UCN3: variants seen among roughly 807,000 people sequenced by gnomAD.
The protein encoded by UCN3 is urocortin-3.
A neutral mutation model predicts 3.6 loss-of-function variants in UCN3; 3 were observed. The ratio of observed to expected loss-of-function variants is 0.83; its 90% CI spans 0.38 to 2.15. The LOEUF (loss-of-function observed/expected upper bound fraction) is 2.15, where lower values mean the gene tolerates loss of function less well. UCN3 is among the 30% of genes most tolerant of loss of function. The pLI, the probability that UCN3 is intolerant of heterozygous loss-of-function variation, is 0.06. For missense variants in UCN3, 206 were observed against 208.3 expected (o/e 0.99, Z 0.07); for synonymous variants, 100 against 93.2 (o/e 1.07, Z -0.42).
At position 5,369,889 on chromosome 10, in the gene UCN3, G is replaced by GTGTGTGTATA. The variant is rs1831318796; in HGVS notation, c.-6-3819_-6-3818insATATGTGTGT. On this transcript the variant is annotated intron_variant, in intron 1 of 1. Coordinates refer to ENST00000380433, the MANE Select transcript of UCN3 (RefSeq NM_053049.4). ...TGTGTGTGTATATGTGTGTGTATATGTGTGTGTGTATATGTGTGTGTGTAT... is the reference window on the plus strand; with the variant it reads ...TGTGTGTGTATATGTGTGTGTATATGTGTGTGTATATGTGTGTGTATATGTGTGTGTGTAT... Among the ~76,000 whole-genome samples the GTGTGTGTATA allele has an allele frequency of 1.6e-5, 2 of 123,674 alleles. 1 individual carries two copies. Among genetic ancestry groups the GTGTGTGTATA allele is most frequent in the African/African-American group, 6.7e-5 (2 of 29,692 alleles). 81.1% of individuals were successfully genotyped at this position (123,674 alleles called of 152,430 possible).
rs1450848674 is a variant in UCN3 at position 5,367,433 on chromosome 10, A to G, written c.-7+2203A>G. Among the ~76,000 whole-genome samples the G allele has an allele frequency of 6.6e-6, 1 of 152,240 alleles. No homozygotes were observed. Among genetic ancestry groups the G allele is most frequent in the Non-Finnish European group, 1.5e-5 (1 of 68,046 alleles). On this transcript the variant is annotated intron_variant, in intron 1 of 1. Coordinates refer to ENST00000380433, the MANE Select transcript of UCN3 (RefSeq NM_053049.4). This position sits in a 1 kb window ranked among gnomAD's most constrained non-coding sequence, Gnocchi z 4.3. ...GAGGTTGTTTTGCTTTGGAAAATAAATTGATTTAATTAAGTGCCTGAATAC... is the reference window on the plus strand; with the variant it reads ...GAGGTTGTTTTGCTTTGGAAAATAAGTTGATTTAATTAAGTGCCTGAATAC...
rs1232661872 is a variant in UCN3 at position 5,370,704 on chromosome 10, T to A, written c.-6-3011T>A. 1.4e-4 allele frequency among the ~76,000 whole-genome samples: 17 copies of A among 122,946 alleles called. 3 individuals carry two copies. The highest frequency in any genetic ancestry group is 6.0e-4 in the African/African-American group (17 of 28,246). 80.7% of individuals were successfully genotyped at this position (122,946 alleles called of 152,430 possible). A position where few individuals can be genotyped will look rare whatever the true frequency, so the allele number is the denominator to read the frequency against. On this transcript the variant is annotated intron_variant, in intron 1 of 1. Coordinates refer to ENST00000380433, the MANE Select transcript of UCN3 (RefSeq NM_053049.4). The stretch of plus-strand genomic sequence containing the variant: ...GTGTGTGTATGTGTGTATATGTGTG[T>A]GTATATGATGTGTGTGTATATGCGT...
At chr10:5,368,541 A>G (rs1437906587) in intron 1 of UCN3, among the ~76,000 whole-genome samples, 1 of 152,156 alleles carries the variant, frequency 6.6e-6, no homozygotes, top group African/African-American at 2.4e-5. Context: ...GACAGGACTG[A>G]GTCTGGTAGT....
chr10:5,373,933 G>A lies in UCN3; in HGVS notation c.213G>A (p.Glu71=). The change falls in exon 2 of 2, where the codon GAG becomes GAA. Residue 71 remains glutamate (E), a synonymous_variant. Transcript: ENST00000380433. ...GCAGCAGAGACGCCTCTTCGGGAGA[G>A]GAGGAGGAGGGCAAAGAGAAAAAGA... is the stretch of plus-strand genomic sequence containing the variant. The part of the protein sequence containing the change: ...YLRSRDASSG[E]EEEGKEKKTF... 2 of 1,611,096 alleles carry A rather than the reference G, an allele frequency of 1.2e-6. No homozygotes were observed. Among genetic ancestry groups the A allele is most frequent in the Non-Finnish European group, 1.7e-6 (2 of 1,178,522 alleles).
Position 5,366,981 on chromosome 10 carries a change from T to C in UCN3, c.-7+1751T>C, listed in dbSNP as rs1178043572. On this transcript the variant is annotated intron_variant, in intron 1 of 1. Transcript: ENST00000380433. This position sits in a 1 kb window ranked among gnomAD's most constrained non-coding sequence, Gnocchi z 4.2. ...TAGCCGTGATTACAGTATTCTTCTCTGATGGTAGACTTGGGATTTGAAAAA... is the reference window on the plus strand; with the variant it reads ...TAGCCGTGATTACAGTATTCTTCTCCGATGGTAGACTTGGGATTTGAAAAA... Among the ~76,000 whole-genome samples the C allele has an allele frequency of 2.0e-5, 3 of 152,212 alleles. No individual in the cohort carries two copies. Among genetic ancestry groups the C allele is most frequent in the Non-Finnish European group, 4.4e-5 (3 of 68,042 alleles).
In UCN3 at chr10:5,369,871, GTATATGTGTGTGTATA is replaced by G. The variant is rs1564441988; in HGVS notation, c.-6-3842_-6-3827del. Reference sequence around the variant, plus strand: ...AACATTTATCCACGTGGGTGTGTGTGTATATGTGTGTGTATATGTGTGTGTGTATATGTGTGTGTGT... The same window carrying G: ...AACATTTATCCACGTGGGTGTGTGTGTGTGTGTGTGTATATGTGTGTGTGT... On this transcript the variant is annotated intron_variant, in intron 1 of 1. Coordinates refer to ENST00000380433, the MANE Select transcript of UCN3 (RefSeq NM_053049.4). Among the ~76,000 whole-genome samples the G allele has an allele frequency of 3.2e-4, 31 of 96,408 alleles. 1 individual carries two copies. The highest frequency in any genetic ancestry group is 5.7e-4 in the African/African-American group (14 of 24,698). 63.2% of individuals were successfully genotyped at this position (96,408 alleles called of 152,430 possible).
At position 5,366,324 on chromosome 10, in the gene UCN3, C is replaced by G. The variant is rs1346826953; in HGVS notation, c.-7+1094C>G. The stretch of plus-strand genomic sequence containing the variant: ...AAAGGAATGGTTGAGTTTCAGGCAC[C>G]CAGAGAAAAATACAGGTGTAGAGCT... On this transcript the variant is annotated intron_variant, in intron 1 of 1. Transcript: ENST00000380433. This position sits in a 1 kb window ranked among gnomAD's most constrained non-coding sequence, Gnocchi z 4.2. 6.6e-6 allele frequency among the ~76,000 whole-genome samples: 1 copy of G among 152,238 alleles called. No individual in the cohort carries two copies. The highest frequency in any genetic ancestry group is 1.5e-5 in the Non-Finnish European group (1 of 68,014).
Position 5,367,290 on chromosome 10 carries a change from A to G in UCN3, c.-7+2060A>G, listed in dbSNP as rs1834126452. ...TTCAAGTGACTCTAGGTACACATGT[A>G]TGATTTCATAATTAAAAAACAAAAC... is the stretch of plus-strand genomic sequence containing the variant. On this transcript the variant is annotated intron_variant, in intron 1 of 1. Coordinates refer to ENST00000380433, the MANE Select transcript of UCN3 (RefSeq NM_053049.4). This position sits in a 1 kb window ranked among gnomAD's most constrained non-coding sequence, Gnocchi z 4.3. Among the ~76,000 whole-genome samples, 1 of 152,234 alleles carries G rather than the reference A, an allele frequency of 6.6e-6. No individual in the cohort carries two copies. Among genetic ancestry groups the G allele is most frequent in the South Asian group, 2.1e-4 (1 of 4,836 alleles).
rs1831466784 is a variant in UCN3, at chr10:5,374,004, A to G, written c.284A>G (p.Tyr95Cys). Residue 95 changes from tyrosine (Y) to cysteine (C), a missense_variant, in exon 2 of 2, where the codon TAC (tyrosine) becomes TGC (cysteine). Transcript: ENST00000380433. ...AGGGGTGGAGCCAGAGGCACCCGGTACAGATACGTGTCCCAAGCACAGCCC... is the reference window on the plus strand; with the variant it reads ...AGGGGTGGAGCCAGAGGCACCCGGTGCAGATACGTGTCCCAAGCACAGCCC... ...GARGGARGTR[Y>C]RYVSQAQPRG... 6.2e-7 allele frequency: 1 copy of G among 1,611,184 alleles called. No homozygotes were observed.
At chr10:5,370,129 G>GTGTA (rs1564442397) in intron 1 of UCN3, among the ~76,000 whole-genome samples, 1 of 71,828 alleles carries the variant, frequency 1.4e-5, no homozygotes. Context: ...GTATGTGTGT[G>GTGTA]TATGTGTGTG....
rs567932043 is a variant in UCN3 at position 5,370,546 on chromosome 10, T to C, written c.-6-3169T>C. On this transcript the variant is annotated intron_variant, in intron 1 of 1. Coordinates refer to ENST00000380433, the MANE Select transcript of UCN3 (RefSeq NM_053049.4). The stretch of plus-strand genomic sequence containing the variant: ...GTATGTGTGTGTGTATATGCGTGTA[T>C]ATGTGTGTATATGTGTGTGTATATG... Among the ~76,000 whole-genome samples the C allele has an allele frequency of 3.2e-3, 308 of 96,722 alleles. 55 individuals carry two copies. Among genetic ancestry groups the C allele is most frequent in the Middle Eastern group, 6.8e-3 (1 of 148 alleles). 63.5% of individuals were successfully genotyped at this position (96,722 alleles called of 152,430 possible). A position where few individuals can be genotyped will look rare whatever the true frequency, so the allele number is the denominator to read the frequency against.
chr10:5,373,558 A>G (rs1344791178), intron 1 of UCN3, among the ~76,000 whole-genome samples, 157 bp from the exon 2 acceptor site: 4 of 152,150 alleles, frequency 2.6e-5, no homozygotes, highest in African/African-American at 9.7e-5. Flanking sequence ...CATTTCTAAC[A>G]AAGTCCCAGC....
In UCN3 at chr10:5,366,296, C is replaced by T. The variant is rs1834117224; in HGVS notation, c.-7+1066C>T. Among the ~76,000 whole-genome samples, 3 of 152,160 alleles carry T rather than the reference C, an allele frequency of 2.0e-5. No individual in the cohort carries two copies. The highest frequency in any genetic ancestry group is 4.4e-5 in the Non-Finnish European group (3 of 68,042). On this transcript the variant is annotated intron_variant, in intron 1 of 1. Transcript: ENST00000380433. The surrounding 1 kb of genome is among the most constrained non-coding windows in gnomAD (Gnocchi z 4.2). ...TCGACAAGTGCTACTGTCACCATAG[C>T]CCAAAGGAATGGTTGAGTTTCAGGC...
At chr10:5,371,015 A>C (rs935142855) in intron 1 of UCN3, among the ~76,000 whole-genome samples, 2 of 146,460 alleles carry the variant, frequency 1.4e-5, no homozygotes, top group Non-Finnish European at 3.0e-5. Context: ...ATGTGTGCAT[A>C]TATATACGTG....
chr10:5,373,489 C>A (rs1439980772), intron 1 of UCN3, among the ~76,000 whole-genome samples: 2 of 152,174 alleles, frequency 1.3e-5, no homozygotes, highest in African/African-American at 2.4e-5. Context: ...AGAACACAGG[C>A]AGCTGGGCCC....
chr10:5,372,813 C>T (rs1831448798), intron 1 of UCN3, among the ~76,000 whole-genome samples: 1 of 151,640 alleles, frequency 6.6e-6, no homozygotes, highest in Non-Finnish European at 1.5e-5. Flanking sequence ...CCTCGGCATC[C>T]CACAGTGCTG....
intron 1 of UCN3, among the ~76,000 whole-genome samples, chr10:5,371,210 GCA>G (rs1554811529): frequency 6.6e-6 from 1 of 150,862 alleles, no homozygotes. Flanking sequence ...GTGTATGTGT[GCA>G]TATGTGTGCA....
At chr10:5,372,400 G>A (rs782113208) in intron 1 of UCN3, among the ~76,000 whole-genome samples, 10 of 152,186 alleles carry the variant, frequency 6.6e-5, no homozygotes, top group African/African-American at 1.4e-4. Context: ...CCCCTGATGG[G>A]GATGGCAGTT....
chr10:5,370,388 C>T (rs62651867), intron 1 of UCN3, among the ~76,000 whole-genome samples: 23,277 of 27,888 alleles, frequency 0.83, 10,383 homozygotes, highest in East Asian at 0.92. Flanking sequence ...CGTGTATATG[C>T]GTGTGTATAT....
Sources: allele counts gnomAD v4.1 joint callset (sites outside exome capture counted in the v4.1 genomes callset), GRCh38; gene constraint gnomAD v4.1.1; non-coding constraint Gnocchi (gnomAD v3.1); transcripts MANE v1.5; gene names NCBI Gene and HGNC (gene_info 2026-07-23, HGNC 2026-07-21).